LRP1B: variants seen among roughly 807,000 people sequenced by gnomAD.
LRP1B encodes the protein LDL receptor related protein 1B.
Under a neutral mutation model 556.6 loss-of-function variants are expected in LRP1B, and 217 were observed. The ratio of observed to expected loss-of-function variants is 0.39; its 90% confidence interval spans 0.35 to 0.44. The LOEUF is 0.44. LRP1B is among the 20% of genes least tolerant of loss of function. The probability of loss-of-function intolerance (pLI) is 1.00; values close to 1 mark genes in which losing one functional copy is unlikely to be tolerated. For synonymous variants in LRP1B, 2,047 were observed against 1,865.8 expected (o/e 1.10, Z -2.50); for missense variants, 5,053 against 5,620.8 (o/e 0.90, Z 3.23).
chr2:140,840,680 A>G (rs1028739573), intron 30 of LRP1B, among the ~76,000 whole-genome samples: 1 of 152,180 alleles, frequency 6.6e-6, no homozygotes, highest in South Asian at 2.1e-4. Flanking sequence ...ACTTCTTAGA[A>G]ATATAAATTA....
At chr2:140,842,934 G>C (rs1183255925) in intron 29 of LRP1B, among the ~76,000 whole-genome samples, 2 of 151,970 alleles carry the variant, frequency 1.3e-5, no homozygotes, top group Non-Finnish European at 2.9e-5. Flanking sequence ...AGCCTGATAT[G>C]GGGCTGAAGA....
chr2:140,387,661 G>A (rs1393526748), intron 66 of LRP1B, among the ~76,000 whole-genome samples: 1 of 151,362 alleles, frequency 6.6e-6, no homozygotes, highest in Non-Finnish European at 1.5e-5. Context: ...CAGGTGCAAT[G>A]TTTTCTGCTT....
At position 141,743,486 on chromosome 2, in the gene LRP1B, C is replaced by CTTTTTTTTTTTTTTTTTTTTTTTT. The variant is rs765968445; in HGVS notation, c.205+66792_205+66793insAAAAAAAAAAAAAAAAAAAAAAAA. Among the ~76,000 whole-genome samples the CTTTTTTTTTTTTTTTTTTTTTTTT allele has an allele frequency of 3.7e-5, 4 of 108,034 alleles. 1 individual carries two copies. Among genetic ancestry groups the CTTTTTTTTTTTTTTTTTTTTTTTT allele is most frequent in the African/African-American group, 7.9e-5 (2 of 25,454 alleles). The allele number at this position is 108,034 out of a possible 152,430, so 70.9% of individuals were successfully genotyped here. A position where few individuals can be genotyped will look rare whatever the true frequency, so the allele number is the denominator to read the frequency against. The stretch of plus-strand genomic sequence containing the variant: ...TAAGTATTCTCTCCTCTGCTTTTTT[C>CTTTTTTTTTTTTTTTTTTTTTTTT]TTTTTTTTTTTTTTCTTTTTTTTTT... On this transcript the variant is annotated intron_variant, in intron 2 of 90. Coordinates refer to ENST00000389484, the MANE Select transcript of LRP1B (RefSeq NM_018557.3).
At chr2:140,654,512 ATCT>A (rs1340585082) in intron 41 of LRP1B, among the ~76,000 whole-genome samples, 5 of 152,348 alleles carry the variant, frequency 3.3e-5, no homozygotes, top group East Asian at 3.9e-4. Context: ...TGGGTCTGAC[ATCT>A]TCTTAAGAAA....
At chr2:141,499,425 T>C (rs1273134325) in intron 2 of LRP1B, among the ~76,000 whole-genome samples, 1 of 152,126 alleles carries the variant, frequency 6.6e-6, no homozygotes, top group Non-Finnish European at 1.5e-5. Context: ...ATTGGCCCTG[T>C]CTGGTTCTTT....
At chr2:141,919,841 T>C (rs938895668) in intron 1 of LRP1B, among the ~76,000 whole-genome samples, 2 of 152,040 alleles carry the variant, frequency 1.3e-5, no homozygotes, top group African/African-American at 4.8e-5. Flanking sequence ...CACTTGTTTA[T>C]TCTATGTGAA....
rs1349164869 is a variant in LRP1B, at chr2:141,503,913, C to A, written c.206-23380G>T. Among the ~76,000 whole-genome samples the A allele has an allele frequency of 2.0e-5, 3 of 150,196 alleles. No homozygotes were observed. In the Admixed American group the frequency reaches 2.0e-4, roughly 10 times the overall value. On this transcript the variant is annotated intron_variant, in intron 2 of 90. Coordinates refer to ENST00000389484, the MANE Select transcript of LRP1B (RefSeq NM_018557.3). ...TCCTTAATATATTTAAGCATTCAGG[C>A]AGATCTTAACACTAAGTATTTTACT...
At chr2:142,047,580 A>G (rs2105225976) in intron 1 of LRP1B, among the ~76,000 whole-genome samples, 1 of 152,024 alleles carries the variant, frequency 6.6e-6, no homozygotes, top group South Asian at 2.1e-4. Context: ...AAGAAATGTG[A>G]CAGAGACTGG....
chr2:140,596,448 T>C (rs1367168839), intron 43 of LRP1B, among the ~76,000 whole-genome samples: 1 of 152,238 alleles, frequency 6.6e-6, no homozygotes, highest in Non-Finnish European at 1.5e-5. Context: ...AGTAATGTGA[T>C]GTCTGCTGAC....
chr2:141,018,084 A>G (rs1205911505), intron 12 of LRP1B, among the ~76,000 whole-genome samples: 1 of 152,060 alleles, frequency 6.6e-6, no homozygotes, highest in African/African-American at 2.4e-5. Flanking sequence ...GAATAGAAAT[A>G]TAACCTATTA....
chr2:141,339,665 A>T (rs1338821185), intron 3 of LRP1B, among the ~76,000 whole-genome samples: 1 of 152,144 alleles, frequency 6.6e-6, no homozygotes, highest in African/African-American at 2.4e-5. Flanking sequence ...AACCAGTCTC[A>T]GTTTGAATGT....
chr2:140,905,226 C>T (rs962257403), intron 22 of LRP1B, among the ~76,000 whole-genome samples: 14 of 152,012 alleles, frequency 9.2e-5, no homozygotes, highest in African/African-American at 3.1e-4. Flanking sequence ...TCCACCGCCC[C>T]CCTCCCCAAG....
At chr2:141,485,134 A>G (rs1312065914) in intron 2 of LRP1B, among the ~76,000 whole-genome samples, 1 of 152,142 alleles carries the variant, frequency 6.6e-6, no homozygotes, top group Non-Finnish European at 1.5e-5. Flanking sequence ...TAGGGACAAG[A>G]GAGAAATTAG....
intron 1 of LRP1B, among the ~76,000 whole-genome samples, chr2:141,829,578 G>A (rs1454452986): frequency 6.6e-6 from 1 of 151,980 alleles, no homozygotes; most frequent in Non-Finnish European, 1.5e-5. Context: ...ATTGTCTTCA[G>A]TGTTTTACTT....
intron 40 of LRP1B, among the ~76,000 whole-genome samples, chr2:140,700,908 T>C (rs1370319256): frequency 2.0e-5 from 3 of 152,152 alleles, no homozygotes; most frequent in African/African-American, 7.2e-5. Context: ...TAAATCTTTT[T>C]TGAAACTTGA....
At chr2:140,586,884 G>C (rs1431950127) in intron 43 of LRP1B, among the ~76,000 whole-genome samples, 1 of 151,464 alleles carries the variant, frequency 6.6e-6, no homozygotes, top group African/African-American at 2.4e-5. Context: ...ACAACTAATA[G>C]ATGCCAACAC....
At chr2:140,485,846 T>TACACAC (rs10696198) in intron 58 of LRP1B, among the ~76,000 whole-genome samples, 36,595 of 142,148 alleles carry the variant, frequency 0.26, 5,061 homozygotes, top group Non-Finnish European at 0.32. Flanking sequence ...CTCACGCACA[T>TACACAC]ACACACACAC....
chr2:140,468,947 C>A (rs1033235545), intron 60 of LRP1B, among the ~76,000 whole-genome samples: 3 of 152,060 alleles, frequency 2.0e-5, no homozygotes, highest in African/African-American at 7.2e-5. Flanking sequence ...AGGTTCACAG[C>A]AGGAGAACGA....
intron 77 of LRP1B, among the ~76,000 whole-genome samples, chr2:140,339,984 C>T (rs758769940): frequency 4.4e-4 from 67 of 151,432 alleles, no homozygotes; most frequent in Middle Eastern, 3.4e-3. Flanking sequence ...TTCTATTAGA[C>T]GAAAAAGAAA....
Sources: gnomAD v4.1 joint callset for allele counts (sites outside exome capture counted in the v4.1 genomes callset) on GRCh38, gnomAD v4.1.1 for gene constraint, MANE v1.5 for transcripts, NCBI Gene and HGNC (gene_info 2026-07-23, HGNC 2026-07-21) for gene names.